LAMTOR5: variants seen among roughly 807,000 people sequenced by gnomAD.
The protein encoded by LAMTOR5 is ragulator complex protein LAMTOR5.
Under a neutral mutation model 12.1 loss-of-function variants are expected in LAMTOR5, and 8 were observed. The observed-to-expected ratio is 0.66, with a 90% confidence interval of 0.39 to 1.19. The LOEUF is 1.19. Among genes scored for constraint, LAMTOR5 ranks in the 50% most tolerant of loss-of-function variants. The probability of loss-of-function intolerance (pLI) is 0.01; values close to 1 mark genes in which losing one functional copy is unlikely to be tolerated. For synonymous variants in LAMTOR5, 37 were observed against 41.9 expected, an observed-to-expected ratio of 0.88 and a Z score of 0.45; for missense variants, 110 against 112.8, an observed-to-expected ratio of 0.97 and a Z score of 0.11.
intron 3 of LAMTOR5, among the ~76,000 whole-genome samples, chr1:110,402,012 G>A (rs1663240406): frequency 6.6e-6 from 1 of 152,148 alleles, no homozygotes; most frequent in Non-Finnish European, 1.5e-5. Context: ...GTCAACAGTG[G>A]ACCCTACATA....
intron 3 of LAMTOR5, 155 bp downstream of exon 3, chr1:110,403,764 G>A: frequency 8.6e-7 from 1 of 1,159,074 alleles, no homozygotes; most frequent in Non-Finnish European, 1.2e-6. Context: ...TTAGCTTTAG[G>A]GATCAACTTG....
Position 110,403,921 on chromosome 1 carries a change from A to G in LAMTOR5, c.213T>C (p.Asn71=), listed in dbSNP as rs1212867745. ...AGGATCTGCTGAAATCTACTCACCC[A>G]TTATCTGATTCTAGACACACCACAG... ...DIPVVCLESD[N]GNIMIQKHDG... is the part of the protein sequence containing the mutation. The change falls in exon 3 of 4, where the codon AAT becomes AAC. Residue 71 remains asparagine, a splice_region_variant and synonymous_variant. Coordinates refer to ENST00000602318, the MANE Select transcript of LAMTOR5 (RefSeq NM_001382293.1). The G allele has an allele frequency of 4.3e-6, 7 of 1,613,614 alleles. No homozygotes were observed. The highest frequency in any genetic ancestry group is 1.7e-5 in the Admixed American group (1 of 59,876).
intron 2 of LAMTOR5, 58 bp downstream of exon 2, chr1:110,406,260 C>A: frequency 8.4e-7 from 1 of 1,192,916 alleles, no homozygotes; most frequent in South Asian, 1.5e-5. Flanking sequence ...ACGCTAGGCT[C>A]CAAGTCAACA....
chr1:110,406,296 A>T, intron 2 of LAMTOR5, 22 bp downstream of exon 2: 4 of 1,522,330 alleles, frequency 2.6e-6, no homozygotes, highest in Non-Finnish European at 2.7e-6. Flanking sequence ...TTCATCAAAT[A>T]GTTGGTATGA....
rs542357923 is a variant in LAMTOR5, at chr1:110,403,939, C to T, written c.195G>A (p.Val65=). The T allele has an allele frequency of 6.3e-5, 101 of 1,614,178 alleles. No individual in the cohort carries two copies. The highest frequency in any genetic ancestry group is 1.0e-4 in the Admixed American group (6 of 60,026). Residue 65 remains valine, a synonymous_variant, in exon 3 of 4, where the codon GTG becomes GTA. Coordinates refer to ENST00000602318, the MANE Select transcript of LAMTOR5 (RefSeq NM_001382293.1). Reference sequence around the variant, plus strand: ...CTCACCCATTATCTGATTCTAGACACACCACAGGAATATCAGTGGGGTCAG... The same window carrying T: ...CTCACCCATTATCTGATTCTAGACATACCACAGGAATATCAGTGGGGTCAG... ...LTSDPTDIPV[V]CLESDNGNIM...
chr1:110,407,492 C>T, intron 1 of LAMTOR5, 94 bp downstream of exon 1: 2 of 1,456,388 alleles, frequency 1.4e-6, no homozygotes, highest in South Asian at 2.6e-5. Context: ...GTCCCCGAGA[C>T]GCCCTGGCCG....
At chr1:110,407,184 T>A in intron 1 of LAMTOR5, 2 of 594,128 alleles carry the variant, frequency 3.4e-6, no homozygotes, top group East Asian at 2.8e-5. Context: ...ACCAAGTAAC[T>A]GATAGGTTAC....
At chr1:110,402,058 A>G (rs1361809843) in intron 3 of LAMTOR5, among the ~76,000 whole-genome samples, 1 of 152,206 alleles carries the variant, frequency 6.6e-6, no homozygotes, top group Non-Finnish European at 1.5e-5. Flanking sequence ...TGGAACTGAA[A>G]AATTCCTATT....
At position 110,403,777 on chromosome 1, in the gene LAMTOR5, T is replaced by C. The variant is rs912766343; in HGVS notation, c.215+142A>G. ...CATTAGCTTTAGGGATCAACTTGTC[T>C]GTTCCTGTGATTCAAAAGATTAAGA... is the stretch of plus-strand genomic sequence containing the variant. On this transcript the variant is annotated intron_variant, in intron 3 of 3. Transcript: ENST00000602318. 51 of 1,322,010 alleles carry C rather than the reference T, an allele frequency of 3.9e-5. 1 individual carries two copies. The highest frequency in any genetic ancestry group is 4.8e-5 in the Non-Finnish European group (48 of 992,232). 81.9% of individuals were successfully genotyped at this position (1,322,010 alleles called of 1,614,324 possible).
intron 1 of LAMTOR5, chr1:110,406,961 T>C: frequency 1.6e-6 from 1 of 636,758 alleles, no homozygotes; most frequent in Non-Finnish European, 2.9e-6. Flanking sequence ...ATCTAGGATG[T>C]TTTCACTCTT....
rs781750841 is a variant in LAMTOR5, at chr1:110,404,049, G to A, written c.98-13C>T. The A allele has an allele frequency of 1.9e-5, 31 of 1,612,064 alleles. No individual in the cohort carries two copies. The highest frequency in any genetic ancestry group is 2.5e-5 in the Non-Finnish European group (29 of 1,179,274). ...AGGGTCCCGCGGCCTGGAAAATAGAGATGATATATGTCACCTGATTGCTCA... is the reference window on the plus strand; with the variant it reads ...AGGGTCCCGCGGCCTGGAAAATAGAAATGATATATGTCACCTGATTGCTCA... On this transcript the variant is annotated splice_polypyrimidine_tract_variant and intron_variant, in intron 2 of 3. Coordinates refer to ENST00000602318, the MANE Select transcript of LAMTOR5 (RefSeq NM_001382293.1).
At chr1:110,404,984 G>T (rs903035595) in intron 2 of LAMTOR5, among the ~76,000 whole-genome samples, 6 of 150,292 alleles carry the variant, frequency 4.0e-5, no homozygotes, top group African/African-American at 1.5e-4. Context: ...GGAAATGGAG[G>T]TTGCAGTGAG....
chr1:110,401,380 A>C lies in LAMTOR5; in HGVS notation c.*143T>G. Reference sequence around the variant, plus strand: ...GTCGGTCCATAGAGCATTAGAAAGCAATTGACTCTTAAATAAACAGAAAAG... The same window carrying C: ...GTCGGTCCATAGAGCATTAGAAAGCCATTGACTCTTAAATAAACAGAAAAG... On this transcript the variant is annotated 3_prime_UTR_variant, in exon 4 of 4. Coordinates refer to ENST00000602318, the MANE Select transcript of LAMTOR5 (RefSeq NM_001382293.1). 1 of 744,362 alleles carries C rather than the reference A, an allele frequency of 1.3e-6. No homozygotes were observed. The allele number at this position is 744,362 out of a possible 1,614,324, so 46.1% of individuals were successfully genotyped here.
chr1:110,403,837 G>A, intron 3 of LAMTOR5, 82 bp downstream of exon 3: 3 of 1,556,884 alleles, frequency 1.9e-6, no homozygotes, highest in Non-Finnish European at 2.6e-6. Flanking sequence ...AGGAATCACT[G>A]ATGAACACAG....
chr1:110,406,283 C>G, intron 2 of LAMTOR5, 35 bp downstream of exon 2: 1 of 1,423,720 alleles, frequency 7.0e-7, no homozygotes, highest in South Asian at 1.3e-5. Context: ...AGATGCTATG[C>G]AATTCATCAA....
intron 2 of LAMTOR5, 114 bp from the exon 3 acceptor site, chr1:110,404,150 A>G (rs1663283266): frequency 7.0e-7 from 1 of 1,437,238 alleles, no homozygotes; most frequent in African/African-American, 1.4e-5. Flanking sequence ...TAATGTCTGT[A>G]TTAGTCTGTA....
intron 2 of LAMTOR5, 25 bp from the exon 3 acceptor site, chr1:110,404,061 C>T (rs1195251909): frequency 1.2e-6 from 2 of 1,610,374 alleles, no homozygotes; most frequent in South Asian, 2.2e-5. Flanking sequence ...TGATATATGT[C>T]ACCTGATTGC....
intron 1 of LAMTOR5, chr1:110,407,131 G>C (rs1663347799): frequency 1.6e-6 from 1 of 634,768 alleles, no homozygotes; most frequent in African/African-American, 1.8e-5. Flanking sequence ...CATAGATACT[G>C]CTTGTTCGAA....
At chr1:110,404,367 C>T (rs963116606) in intron 2 of LAMTOR5, among the ~76,000 whole-genome samples, 5 of 152,228 alleles carry the variant, frequency 3.3e-5, no homozygotes, top group African/African-American at 9.6e-5. Context: ...TGACCAGATC[C>T]GATGCCGACG....
Sources: allele counts gnomAD v4.1 joint callset (sites outside exome capture counted in the v4.1 genomes callset), GRCh38; gene constraint gnomAD v4.1.1; transcripts MANE v1.5; gene names NCBI Gene and HGNC (gene_info 2026-07-23, HGNC 2026-07-21).